KLF16: variants seen among roughly 807,000 people sequenced by gnomAD.
The protein encoded by KLF16 is KLF transcription factor 16, also known as Krueppel-like factor 16.
A neutral mutation model predicts 6.1 loss-of-function variants in KLF16; 6 were observed. The ratio of observed to expected loss-of-function variants is 0.98; its 90% confidence interval spans 0.54 to 1.93. The LOEUF (loss-of-function observed/expected upper bound fraction) is 1.93. KLF16 is among the 30% of genes most tolerant of loss of function. The probability of loss-of-function intolerance (pLI) is 0.01; values close to 1 mark genes in which losing one functional copy is unlikely to be tolerated. For missense variants in KLF16, 355 were observed against 363.8 expected, an observed-to-expected ratio of 0.98 and a Z score of 0.20; for synonymous variants, 211 against 176.5, an observed-to-expected ratio of 1.20 and a Z score of -1.55.
intron 1 of KLF16, 122 bp downstream of exon 1, chr19:1,862,919 C>T: frequency 2.7e-6 from 1 of 364,700 alleles, no homozygotes; most frequent in Non-Finnish European, 3.8e-6. Flanking sequence ...CCGGCCGGCG[C>T]GGCGGCGGCC....
intron 1 of KLF16, among the ~76,000 whole-genome samples, chr19:1,859,734 C>T (rs950853468): frequency 4.6e-5 from 7 of 152,170 alleles, no homozygotes; most frequent in Non-Finnish European, 8.8e-5. Flanking sequence ...GGACACAGTT[C>T]CCTAAGTCCT....
the KLF16 span, among the ~76,000 whole-genome samples, chr19:1,868,879 G>A: frequency 6.6e-6 from 1 of 152,138 alleles, no homozygotes; most frequent in Admixed American, 6.6e-5. Context: ...CTGACCTCAG[G>A]TGATCCACCC....
the KLF16 span, among the ~76,000 whole-genome samples, chr19:1,869,565 C>T: frequency 6.6e-6 from 1 of 152,182 alleles, no homozygotes; most frequent in Non-Finnish European, 1.5e-5. Context: ...CTGCACCACC[C>T]GTGCAGCTCT....
At chr19:1,859,899 T>A (rs1055407188) in intron 1 of KLF16, among the ~76,000 whole-genome samples, 1 of 151,816 alleles carries the variant, frequency 6.6e-6, no homozygotes, top group Non-Finnish European at 1.5e-5. Flanking sequence ...GCTCCTGCCA[T>A]GGAGTGCGTA....
At chr19:1,865,425 G>A (rs951372301), upstream of KLF16, among the ~76,000 whole-genome samples, 2 of 152,234 alleles carry the variant, frequency 1.3e-5, no homozygotes, top group African/African-American at 4.8e-5. Context: ...GTGGACAGGT[G>A]TGTCTTGAGG....
Position 1,863,455 on chromosome 19 carries a change from C to T in KLF16, c.43G>A (p.Val15Met). Residue 15 changes from valine to methionine, a missense_variant, in exon 1 of 2, where the codon GTG becomes ATG. Val to Met is a conservative substitution (Grantham distance 21, BLOSUM62 1). Transcript: ENST00000250916. The part of the protein sequence containing the change: ...VACVDYFAAD[V>M]LMAISSGAVV... ...GCGCCCGAAGAGATGGCCATGAGCA[C>T]GTCGGCGGCGAAGTAATCCACGCAC... is the stretch of plus-strand genomic sequence containing the variant. 2 of 1,048,774 alleles carry T rather than the reference C, an allele frequency of 1.9e-6. No individual in the cohort carries two copies. Among genetic ancestry groups the T allele is most frequent in the Non-Finnish European group, 2.3e-6 (2 of 866,782 alleles). 65.0% of individuals were successfully genotyped at this position (1,048,774 alleles called of 1,614,324 possible). A position where few individuals can be genotyped will look rare whatever the true frequency, so the allele number is the denominator to read the frequency against.
At chr19:1,876,159 C>CCGT in the KLF16 span, 5 of 153,000 alleles carry the variant, frequency 3.3e-5, no homozygotes, top group African/African-American at 1.2e-4. Context: ...ACCGCCGCCG[C>CCGT]CGTCTCCACT....
At chr19:1,867,103 G>A (rs991259783), upstream of KLF16, among the ~76,000 whole-genome samples, 1 of 152,202 alleles carries the variant, frequency 6.6e-6, no homozygotes, top group African/African-American at 2.4e-5. Context: ...TGGGTCTCTA[G>A]CAGGGCAGGA....
upstream of KLF16, among the ~76,000 whole-genome samples, chr19:1,864,203 G>T (rs947938448): frequency 6.6e-6 from 1 of 151,792 alleles, no homozygotes; most frequent in African/African-American, 2.4e-5. Context: ...CGCGATGGAG[G>T]AGGGCTCCGA....
the KLF16 span, among the ~76,000 whole-genome samples, chr19:1,868,960 C>T: frequency 6.6e-6 from 1 of 152,072 alleles, no homozygotes; most frequent in Non-Finnish European, 1.5e-5. Context: ...GGACGTTTTA[C>T]AGAACACTTG....
At position 1,853,668 on chromosome 19, in the gene KLF16, C is replaced by G. The variant is rs3746043; in HGVS notation, c.*791G>C. ...CTCTCACCCACCCACCCAGAGAGGG[C>G]GAGCTAGGGCCCCCACACCCGAGGA... On this transcript the variant is annotated 3_prime_UTR_variant, in exon 2 of 2. Transcript: ENST00000250916. 0.75 allele frequency: 114,143 copies of G among 152,666 alleles called. 42,914 individuals are homozygous for G. Among genetic ancestry groups the G allele is most frequent in the Middle Eastern group, 0.79 (233 of 294 alleles). 9.5% of individuals were successfully genotyped at this position (152,666 alleles called of 1,614,324 possible). A position where few individuals can be genotyped will look rare whatever the true frequency, so the allele number is the denominator to read the frequency against.
chr19:1,861,291 G>C (rs1243863498), intron 1 of KLF16, among the ~76,000 whole-genome samples: 1 of 152,162 alleles, frequency 6.6e-6, no homozygotes, highest in East Asian at 1.9e-4. Context: ...ACGCCATCTG[G>C]CAAGAAAAGA....
Position 1,857,288 on chromosome 19 carries a change from G to A in KLF16, c.458-2528C>T, listed in dbSNP as rs1207887606. 1.3e-5 allele frequency among the ~76,000 whole-genome samples: 2 copies of A among 152,222 alleles called. No individual in the cohort carries two copies. On this transcript the variant is annotated intron_variant, in intron 1 of 1. Coordinates refer to ENST00000250916, the MANE Select transcript of KLF16 (RefSeq NM_031918.4). This position sits in a 1 kb window ranked among gnomAD's most constrained non-coding sequence, Gnocchi z 4.7. ...CAATCCACTCGCAGGGAGGAGGGTG[G>A]GGTGAACTTGTGGGGGCCCAGAGCG... is the stretch of plus-strand genomic sequence containing the variant.
upstream of KLF16, among the ~76,000 whole-genome samples, chr19:1,868,009 G>A (rs1303287015): frequency 6.6e-6 from 1 of 151,836 alleles, no homozygotes; most frequent in African/African-American, 2.4e-5. Context: ...ATTTAAGACA[G>A]TCGGGTCTTT....
At chr19:1,856,375 C>T (rs1349601960) in intron 1 of KLF16, among the ~76,000 whole-genome samples, 3 of 152,192 alleles carry the variant, frequency 2.0e-5, no homozygotes, top group Admixed American at 1.3e-4. Context: ...TCATCTCATC[C>T]TTCCTCCCTG....
upstream of KLF16, chr19:1,863,594 A>AGGC: frequency 2.5e-6 from 1 of 395,844 alleles, no homozygotes; most frequent in African/African-American, 2.3e-5. Context: ...GAGGCGGAGG[A>AGGC]GGAGGAGGAG....
At position 1,854,118 on chromosome 19, in the gene KLF16, C is replaced by T. The variant is rs1210431493; in HGVS notation, c.*341G>A. ...GGCCGGCTCCCAGAAGTCCACTCCA[C>T]CCCCCCAAACCCCACCCCGGGAGGG... On this transcript the variant is annotated 3_prime_UTR_variant, in exon 2 of 2. Transcript: ENST00000250916. 14 of 260,654 alleles carry T rather than the reference C, an allele frequency of 5.4e-5. No individual in the cohort carries two copies. The South Asian group carries it at 1.6e-3, about 29-fold the overall frequency. 16.1% of individuals were successfully genotyped at this position (260,654 alleles called of 1,614,324 possible).
chr19:1,863,116 G>A lies in KLF16; in HGVS notation c.382C>T (p.Arg128Cys), dbSNP rs771366280. 23 of 1,360,276 alleles carry A rather than the reference G, an allele frequency of 1.7e-5. No homozygotes were observed. The highest frequency in any genetic ancestry group is 2.2e-5 in the Non-Finnish European group (23 of 1,037,678). The allele number at this position is 1,360,276 out of a possible 1,614,324, so 84.3% of individuals were successfully genotyped here. A position where few individuals can be genotyped will look rare whatever the true frequency, so the allele number is the denominator to read the frequency against. The change falls in exon 1 of 2, where the codon CGC (arginine) becomes TGC (cysteine). Residue 128 changes from arginine (R) to cysteine (C), a missense_variant. Physicochemically the swap from Arg to Cys is radical, Grantham distance 180 (BLOSUM62 -3). Coordinates refer to ENST00000250916, the MANE Select transcript of KLF16 (RefSeq NM_031918.4). ...AAPSAAAKSHRCPFPDCAKAY... is the reference protein window; with the variant it reads ...AAPSAAAKSHCCPFPDCAKAY... ...TTGGCGCAGTCCGGGAAGGGACAGC[G>A]GTGGCTCTTGGCGGCGGCGGAGGGC...
At chr19:1,862,277 G>A (rs557436186) in intron 1 of KLF16, among the ~76,000 whole-genome samples, 2 of 152,216 alleles carry the variant, frequency 1.3e-5, no homozygotes, top group Admixed American at 6.5e-5. Context: ...TCGCCGCCCC[G>A]GGGACTGCGC....
Sources: allele counts gnomAD v4.1 joint callset (sites outside exome capture counted in the v4.1 genomes callset), GRCh38; gene constraint gnomAD v4.1.1; non-coding constraint Gnocchi (gnomAD v3.1); transcripts MANE v1.5; gene names NCBI Gene and HGNC (gene_info 2026-07-23, HGNC 2026-07-21).